FHIT: variants seen among roughly 807,000 people sequenced by gnomAD.
The protein encoded by FHIT is bis(5'-adenosyl)-triphosphatase.
FHIT carries 19 observed loss-of-function variants against 17.9 expected under a neutral mutation model. That is an observed-to-expected ratio of 1.06 (90% CI 0.74 to 1.56). The LOEUF (loss-of-function observed/expected upper bound fraction) is 1.56, where lower values mean the gene tolerates loss of function less well. Ranked by LOEUF, FHIT falls within the 40% of genes most tolerant of loss-of-function variation. The probability of loss-of-function intolerance (pLI) is 0.00; values close to 1 mark genes in which losing one functional copy is unlikely to be tolerated. For synonymous variants in FHIT, 81 were observed against 69.7 expected (o/e 1.16, Z -0.81); for missense variants, 248 against 189.2 (o/e 1.31, Z -1.82).
intron 5 of FHIT, among the ~76,000 whole-genome samples, chr3:60,174,494 T>C (rs1233042549): frequency 1.3e-5 from 2 of 152,190 alleles, no homozygotes; most frequent in African/African-American, 2.4e-5. Context: ...TGTTGGCCTT[T>C]CTAACTGGAA....
chr3:59,974,488 T>G (rs1708323521), intron 7 of FHIT, among the ~76,000 whole-genome samples: 1 of 152,116 alleles, frequency 6.6e-6, no homozygotes, highest in Non-Finnish European at 1.5e-5. Flanking sequence ...ATAAAACACC[T>G]TCACCAAGCA....
chr3:60,448,391 A>T (rs1310878540), intron 5 of FHIT, among the ~76,000 whole-genome samples: 2 of 152,224 alleles, frequency 1.3e-5, no homozygotes, highest in Non-Finnish European at 2.9e-5. Flanking sequence ...CTATGTGTGC[A>T]GTATCAAGTG....
At chr3:61,229,183 T>G (rs1225735676) in intron 1 of FHIT, among the ~76,000 whole-genome samples, 1 of 152,108 alleles carries the variant, frequency 6.6e-6, no homozygotes, top group Non-Finnish European at 1.5e-5. Context: ...TGAGATGAGA[T>G]CATACTGGAT....
chr3:61,091,657 C>G (rs908217671), intron 2 of FHIT, among the ~76,000 whole-genome samples: 1 of 151,902 alleles, frequency 6.6e-6, no homozygotes, highest in Non-Finnish European at 1.5e-5. Context: ...AAGCTTAGAA[C>G]CAACAGGAGG....
chr3:60,129,069 T>C (rs1293344580), intron 5 of FHIT, among the ~76,000 whole-genome samples: 1 of 147,916 alleles, frequency 6.8e-6, no homozygotes, highest in African/African-American at 2.6e-5. Flanking sequence ...TTTTTTTTTT[T>C]TGAAACAGAG....
chr3:61,036,427 T>C (rs1282199086), intron 3 of FHIT, among the ~76,000 whole-genome samples: 1 of 151,984 alleles, frequency 6.6e-6, no homozygotes. Context: ...TAACCGAGTG[T>C]TCAGATTGTA....
chr3:60,485,543 T>C (rs1459298366), intron 5 of FHIT, among the ~76,000 whole-genome samples: 1 of 151,108 alleles, frequency 6.6e-6, no homozygotes, highest in African/African-American at 2.4e-5. Context: ...CTCAGCAAAC[T>C]AACAAAGAAC....
intron 7 of FHIT, among the ~76,000 whole-genome samples, chr3:59,982,430 T>G (rs556522557): frequency 4.6e-5 from 7 of 152,280 alleles, no homozygotes; most frequent in South Asian, 4.1e-4. Context: ...GGGATGCCAG[T>G]CCCACAGGGT....
At chr3:61,184,832 G>C (rs11927051) in intron 2 of FHIT, among the ~76,000 whole-genome samples, 33,633 of 152,068 alleles carry the variant, frequency 0.22, 4,834 homozygotes, top group East Asian at 0.71. Flanking sequence ...TAATGAACAC[G>C]CTGTGTTTAA....
chr3:60,114,690 C>T (rs1029804603), intron 5 of FHIT, among the ~76,000 whole-genome samples: 16 of 151,712 alleles, frequency 1.1e-4, no homozygotes, highest in African/African-American at 3.6e-4. Context: ...GATGAGGTGT[C>T]ACCGTCTTTG....
intron 5 of FHIT, among the ~76,000 whole-genome samples, chr3:60,509,513 C>T (rs771025215): frequency 9.2e-5 from 14 of 152,160 alleles, no homozygotes; most frequent in Non-Finnish European, 2.1e-4. Context: ...TTATACTGTT[C>T]CTATGATCAC....
intron 3 of FHIT, among the ~76,000 whole-genome samples, chr3:60,848,036 A>G (rs1553747133): frequency 6.6e-6 from 1 of 152,144 alleles, no homozygotes; most frequent in African/African-American, 2.4e-5. Context: ...ACCATCACAA[A>G]TTTATGGAGT....
chr3:60,257,594 A>T (rs1328217862), intron 5 of FHIT, among the ~76,000 whole-genome samples: 5 of 152,202 alleles, frequency 3.3e-5, no homozygotes, highest in Admixed American at 3.3e-4. Context: ...CATAGGGATT[A>T]ACATTTGCTT....
At chr3:60,554,311 C>A (rs115200144) in intron 4 of FHIT, among the ~76,000 whole-genome samples, 1 of 150,752 alleles carries the variant, frequency 6.6e-6, no homozygotes, top group South Asian at 2.1e-4. Context: ...ATAGCAGAGA[C>A]GAACTTACAT....
At chr3:61,248,482 A>G (rs1448778613) in intron 1 of FHIT, among the ~76,000 whole-genome samples, 2 of 152,258 alleles carry the variant, frequency 1.3e-5, no homozygotes, top group Non-Finnish European at 2.9e-5. Flanking sequence ...GAAAGGGCCA[A>G]TATGTCTTCC....
intron 8 of FHIT, among the ~76,000 whole-genome samples, chr3:59,821,311 G>A (rs1700778406): frequency 6.6e-6 from 1 of 152,218 alleles, no homozygotes; most frequent in African/African-American, 2.4e-5. Context: ...AGAAGCAACT[G>A]ATGTTGGCTT....
intron 2 of FHIT, among the ~76,000 whole-genome samples, chr3:61,189,421 G>A (rs367969796): frequency 6.6e-5 from 10 of 151,748 alleles, no homozygotes; most frequent in South Asian, 4.2e-4. Flanking sequence ...CCACTGCTCA[G>A]TGAAATAAAA....
intron 3 of FHIT, among the ~76,000 whole-genome samples, chr3:60,920,765 A>G (rs1211086316): frequency 6.6e-6 from 1 of 152,124 alleles, no homozygotes; most frequent in Non-Finnish European, 1.5e-5. Context: ...CATTTATCCC[A>G]AGGGTAATGA....
chr3:61,060,475 C>A (rs2034388451), intron 2 of FHIT, among the ~76,000 whole-genome samples: 1 of 152,190 alleles, frequency 6.6e-6, no homozygotes, highest in Non-Finnish European at 1.5e-5. Flanking sequence ...AAGCCAGCAG[C>A]TTTCTGGGAA....
Sources: allele counts gnomAD v4.1 joint callset (sites outside exome capture counted in the v4.1 genomes callset), GRCh38; gene constraint gnomAD v4.1.1; transcripts MANE v1.5; gene names NCBI Gene and HGNC (gene_info 2026-07-23, HGNC 2026-07-21).